MAPKAP1: variants seen among roughly 807,000 people sequenced by gnomAD.
MAPKAP1 encodes target of rapamycin complex 2 subunit MAPKAP1.
MAPKAP1 carries 20 observed loss-of-function variants against 65.7 expected under a neutral mutation model. The observed-to-expected ratio is 0.30, with a 90% confidence interval of 0.21 to 0.44. The LOEUF (loss-of-function observed/expected upper bound fraction) is 0.44, where lower values mean the gene tolerates loss of function less well. MAPKAP1 is among the 20% of genes least tolerant of loss of function. The pLI is 1.00. For synonymous variants in MAPKAP1, 222 were observed against 244.3 expected (o/e 0.91, Z 0.85); for missense variants, 423 against 648.0 (o/e 0.65, Z 3.77).
chr9:125,703,104 T>C (rs895549634), intron 1 of MAPKAP1, among the ~76,000 whole-genome samples: 2 of 152,192 alleles, frequency 1.3e-5, no homozygotes, highest in Non-Finnish European at 2.9e-5. Flanking sequence ...CCAAGGACAC[T>C]GGGCCCACTT....
intron 6 of MAPKAP1, among the ~76,000 whole-genome samples, chr9:125,547,587 A>C (rs972981095): frequency 2.4e-4 from 37 of 152,218 alleles, no homozygotes; most frequent in African/African-American, 8.0e-4. Flanking sequence ...GCCCTAAGTC[A>C]TCATTCCAAG....
intron 1 of MAPKAP1, among the ~76,000 whole-genome samples, chr9:125,695,049 T>C (rs1195669960): frequency 6.6e-6 from 1 of 152,270 alleles, no homozygotes; most frequent in Non-Finnish European, 1.5e-5. Context: ...ATTCTTATTG[T>C]GTTTGTTGAC....
intron 8 of MAPKAP1, among the ~76,000 whole-genome samples, chr9:125,501,909 T>C (rs948057780): frequency 2.0e-5 from 3 of 152,172 alleles, no homozygotes; most frequent in African/African-American, 7.2e-5. Flanking sequence ...CTTGTTTTTG[T>C]CCATTTCATT....
At position 125,437,603 on chromosome 9, in the gene MAPKAP1, T is replaced by C. The variant is rs1332230171; in HGVS notation, c.*1284A>G. The C allele has an allele frequency of 6.6e-6, 1 of 152,642 alleles. No individual in the cohort carries two copies. The highest frequency in any genetic ancestry group is 2.4e-5 in the African/African-American group (1 of 41,454). The allele number at this position is 152,642 out of a possible 1,614,324, so 9.5% of individuals were successfully genotyped here. A position where few individuals can be genotyped will look rare whatever the true frequency, so the allele number is the denominator to read the frequency against. On this transcript the variant is annotated 3_prime_UTR_variant, in exon 12 of 12. Coordinates refer to ENST00000265960, the MANE Select transcript of MAPKAP1 (RefSeq NM_001006617.3). ...ATTAGAAAAGGACGCTCCTGTTGGC[T>C]GAACAAAGATCAGAATGAAAGAAGA...
Position 125,511,007 on chromosome 9 carries a change from A to T in MAPKAP1, c.959-4590T>A, listed in dbSNP as rs117682305. On this transcript the variant is annotated intron_variant, in intron 7 of 11. Transcript: ENST00000265960. The stretch of plus-strand genomic sequence containing the variant: ...AATTTTGCTGTATGACTTTGGGCCA[A>T]CTTAACCTCTCAGTTTTCTTCTTTA... Among the ~76,000 whole-genome samples the T allele has an allele frequency of 4.9e-4, 74 of 152,322 alleles. No individual in the cohort carries two copies. The East Asian group carries it at 0.014, about 28-fold the overall frequency.
intron 2 of MAPKAP1, among the ~76,000 whole-genome samples, chr9:125,671,555 G>C (rs1834497749): frequency 6.6e-6 from 1 of 151,712 alleles, no homozygotes; most frequent in Non-Finnish European, 1.5e-5. Context: ...TGTCATATTA[G>C]AACTACAATA....
At chr9:125,618,973 A>T (rs901824341) in intron 4 of MAPKAP1, among the ~76,000 whole-genome samples, 1 of 152,124 alleles carries the variant, frequency 6.6e-6, no homozygotes, top group Non-Finnish European at 1.5e-5. Context: ...CTCTACAAAA[A>T]TTTTTTTAAA....
chr9:125,573,368 C>A (rs902581881), intron 5 of MAPKAP1, among the ~76,000 whole-genome samples: 1 of 152,184 alleles, frequency 6.6e-6, no homozygotes, highest in Non-Finnish European at 1.5e-5. Context: ...TACACTCCCA[C>A]CAGTGCCATG....
chr9:125,477,675 C>G (rs1269527441), intron 9 of MAPKAP1, among the ~76,000 whole-genome samples: 3 of 152,210 alleles, frequency 2.0e-5, no homozygotes, highest in Non-Finnish European at 4.4e-5. Context: ...CTTCTGCCAG[C>G]CAGCCAACAA....
intron 7 of MAPKAP1, among the ~76,000 whole-genome samples, chr9:125,529,300 T>C (rs1366559275): frequency 6.6e-6 from 1 of 152,106 alleles, no homozygotes; most frequent in Non-Finnish European, 1.5e-5. Context: ...ATCTCCTCTA[T>C]TAGAATGTTA....
intron 1 of MAPKAP1, among the ~76,000 whole-genome samples, chr9:125,675,702 T>A (rs962230067): frequency 1.3e-5 from 2 of 152,228 alleles, no homozygotes; most frequent in African/African-American, 4.8e-5. Context: ...ACAGGGTTCA[T>A]AACACCATAT....
intron 1 of MAPKAP1, among the ~76,000 whole-genome samples, chr9:125,688,844 G>A (rs894379352): frequency 4.6e-5 from 7 of 152,144 alleles, no homozygotes; most frequent in Non-Finnish European, 7.4e-5. Flanking sequence ...ACTTGCCCAA[G>A]GCCACGCAAC....
At position 125,669,919 on chromosome 9, in the gene MAPKAP1, ATAT is replaced by A. The variant is rs771948671; in HGVS notation, c.260-15_260-13del. On this transcript the variant is annotated splice_polypyrimidine_tract_variant and intron_variant, in intron 2 of 11. Coordinates refer to ENST00000265960, the MANE Select transcript of MAPKAP1 (RefSeq NM_001006617.3). ...TTCTAATCTTTGAGCTTGAAAAGAAATATTATAACTGTAAGTTTGTCAATGAAA... is the reference window on the plus strand; with the variant it reads ...TTCTAATCTTTGAGCTTGAAAAGAAATATAACTGTAAGTTTGTCAATGAAA... The A allele has an allele frequency of 1.6e-5, 24 of 1,480,570 alleles. No homozygotes were observed. In the South Asian group the frequency reaches 2.2e-4, roughly 14 times the overall value. 91.7% of individuals were successfully genotyped at this position (1,480,570 alleles called of 1,614,324 possible). A position where few individuals can be genotyped will look rare whatever the true frequency, so the allele number is the denominator to read the frequency against.
chr9:125,703,498 A>G lies in MAPKAP1; in HGVS notation c.-70+3473T>C, dbSNP rs147970382. ...GGGAAAAAACGTAATGTGGCCACGA[A>G]TGGTGGCTCACGCCTGTAATCCCAG... On this transcript the variant is annotated intron_variant, in intron 1 of 11. Coordinates refer to ENST00000265960, the MANE Select transcript of MAPKAP1 (RefSeq NM_001006617.3). 6.2e-4 allele frequency among the ~76,000 whole-genome samples: 95 copies of G among 152,236 alleles called. 1 individual carries two copies. The highest frequency in any genetic ancestry group is 2.3e-3 in the African/African-American group (94 of 41,544).
chr9:125,594,119 C>T (rs1392766473), intron 4 of MAPKAP1, among the ~76,000 whole-genome samples: 1 of 152,218 alleles, frequency 6.6e-6, no homozygotes, highest in African/African-American at 2.4e-5. Context: ...CCAGTTTAGG[C>T]TTCGTCAGCT....
At chr9:125,646,999 G>A (rs544375125) in intron 4 of MAPKAP1, among the ~76,000 whole-genome samples, 11 of 152,206 alleles carry the variant, frequency 7.2e-5, no homozygotes, top group East Asian at 1.9e-4. Flanking sequence ...AACATCTGCC[G>A]GAACACATGC....
intron 10 of MAPKAP1, among the ~76,000 whole-genome samples, chr9:125,457,820 T>C (rs900116609): frequency 3.3e-5 from 5 of 152,264 alleles, no homozygotes; most frequent in African/African-American, 1.2e-4. Context: ...CCCCAGTAGT[T>C]GCTTGCCCAG....
At chr9:125,454,100 T>C (rs766089851) in intron 10 of MAPKAP1, among the ~76,000 whole-genome samples, 5 of 152,234 alleles carry the variant, frequency 3.3e-5, no homozygotes, top group Non-Finnish European at 7.3e-5. Context: ...ATTAAACAAG[T>C]GCTATTCCTT....
intron 7 of MAPKAP1, among the ~76,000 whole-genome samples, chr9:125,520,269 T>C (rs567625677): frequency 6.6e-6 from 1 of 152,324 alleles, no homozygotes; most frequent in African/African-American, 2.4e-5. Flanking sequence ...ATAAAGTCTG[T>C]AGCTTTAGCT....
Sources: allele counts gnomAD v4.1 joint callset (sites outside exome capture counted in the v4.1 genomes callset), GRCh38; gene constraint gnomAD v4.1.1; transcripts MANE v1.5; gene names NCBI Gene and HGNC (gene_info 2026-07-23, HGNC 2026-07-21).